The following VIRMA variants were observed in gnomAD, a reference collection of about 807,000 sequenced individuals.
VIRMA encodes protein virilizer homolog.
Under a neutral mutation model 182.4 loss-of-function variants are expected in VIRMA, and 65 were observed. The ratio of observed to expected loss-of-function variants is 0.36; its 90% CI spans 0.29 to 0.44. The LOEUF is 0.44. Among genes scored for constraint, VIRMA ranks in the 20% least tolerant of loss-of-function variants. The probability of loss-of-function intolerance (pLI) is 1.00; values close to 1 mark genes in which losing one functional copy is unlikely to be tolerated. For synonymous variants in VIRMA, 709 were observed against 743.1 expected, an observed-to-expected ratio of 0.95 and a Z score of 0.75; for missense variants, 1,752 against 2,158.1, an observed-to-expected ratio of 0.81 and a Z score of 3.73.
intron 16 of VIRMA, among the ~76,000 whole-genome samples, chr8:94,501,676 G>A (rs1813991788): frequency 6.6e-6 from 1 of 152,104 alleles, no homozygotes; most frequent in Non-Finnish European, 1.5e-5. Flanking sequence ...TATTAGTATG[G>A]GCCAGGTGTG....
intron 2 of VIRMA, among the ~76,000 whole-genome samples, chr8:94,539,607 C>T (rs1017975084): frequency 6.6e-6 from 1 of 152,152 alleles, no homozygotes; most frequent in Non-Finnish European, 1.5e-5. Context: ...CCTGTATGCA[C>T]TTCTGGTAGA....
intron 16 of VIRMA, among the ~76,000 whole-genome samples, chr8:94,501,290 A>G (rs1021997092): frequency 6.6e-6 from 1 of 150,774 alleles, no homozygotes; most frequent in East Asian, 1.9e-4. Context: ...ACCAATAAGG[A>G]TATGAGGGAA....
chr8:94,488,757 A>G lies in VIRMA; in HGVS notation c.5388T>C (p.Phe1796=). The change falls in exon 24 of 24, where the codon TTT becomes TTC. Residue 1796 remains phenylalanine, a synonymous_variant. Transcript: ENST00000297591. ...NSGSGGSRGK[F]VSGGSGRGRH... is the part of the protein sequence containing the mutation. ...GACCTCTACCACTGCCTCCACTAAC[A>G]AACTTTCCTCTTGAGCCTCCACTGC... 6.2e-7 allele frequency: 1 copy of G among 1,614,198 alleles called. No homozygotes were observed. Among genetic ancestry groups the G allele is most frequent in the Non-Finnish European group, 8.5e-7 (1 of 1,180,040 alleles).
chr8:94,519,311 A>G lies in VIRMA; in HGVS notation c.2187T>C (p.Asn729=), dbSNP rs1226882665. Reference sequence around the variant, plus strand: ...AGTGACACAGAGCTCGGATCAATAAATTTGTTGCTTCATATTCCGACATAA... The same window carrying G: ...AGTGACACAGAGCTCGGATCAATAAGTTTGTTGCTTCATATTCCGACATAA... ...LFFMSEYEAT[N]LLIRALCHFY... is the part of the protein sequence containing the mutation. Residue 729 remains asparagine, a synonymous_variant, in exon 9 of 24, where the codon AAT becomes AAC. Transcript: ENST00000297591. The G allele has an allele frequency of 1.9e-6, 3 of 1,612,852 alleles. No individual in the cohort carries two copies. The South Asian group carries it at 3.3e-5, about 18-fold the overall frequency.
intron 1 of VIRMA, chr8:94,546,687 A>G (rs1010576398): frequency 9.4e-6 from 3 of 320,064 alleles, no homozygotes; most frequent in Non-Finnish European, 1.8e-5. Flanking sequence ...TGTACCCAAT[A>G]TGTAGTCTTT....
At chr8:94,499,279 A>G in intron 17 of VIRMA, 95 bp downstream of exon 17, 1 of 857,170 alleles carries the variant, frequency 1.2e-6, no homozygotes, top group Non-Finnish European at 1.7e-6. Context: ...GAGATTACAG[A>G]TGTGAGCCAT....
chr8:94,542,106 T>C (rs1397962415), intron 2 of VIRMA, among the ~76,000 whole-genome samples: 1 of 152,218 alleles, frequency 6.6e-6, no homozygotes, highest in African/African-American at 2.4e-5. Flanking sequence ...ACTTGCTTCC[T>C]GGTATTCACA....
intron 1 of VIRMA, among the ~76,000 whole-genome samples, chr8:94,550,562 G>T (rs1815947597): frequency 6.6e-6 from 1 of 152,222 alleles, no homozygotes; most frequent in Admixed American, 6.5e-5. Context: ...AAAGTGCTGG[G>T]ATTACAGGCA....
intron 20 of VIRMA, 90 bp downstream of exon 20, chr8:94,494,770 T>G: frequency 1.3e-6 from 1 of 797,066 alleles, no homozygotes. Context: ...TTAACAGCCA[T>G]AAAATATGGA....
At chr8:94,510,710 CA>C in intron 13 of VIRMA, 58 bp from the exon 14 acceptor site, 2 of 1,251,642 alleles carry the variant, frequency 1.6e-6, no homozygotes, top group Non-Finnish European at 1.1e-6. Flanking sequence ...TTTATAGTCA[CA>C]AAAACTGTTC....
chr8:94,541,032 A>AAC lies in VIRMA; in HGVS notation c.180-2688_180-2687dup, dbSNP rs558950800. On this transcript the variant is annotated intron_variant, in intron 2 of 23. Transcript: ENST00000297591. Reference sequence around the variant, plus strand: ...ATATAAGCACACATATATATGTATGAACACACACACACATACAAACACACA... The same window carrying AAC: ...ATATAAGCACACATATATATGTATGAACACACACACACACATACAAACACACA... Among the ~76,000 whole-genome samples, 226 of 151,968 alleles carry AAC rather than the reference A, an allele frequency of 1.5e-3. 1 individual carries two copies. Among genetic ancestry groups the AAC allele is most frequent in the Admixed American group, 0.013 (202 of 15,250 alleles).
rs760066789 is a variant in VIRMA, at chr8:94,529,168, T to C, written c.782A>G (p.Glu261Gly). ...DEDDVDVEEE[E>G]DEDEDDRRTV... is the part of the protein sequence containing the mutation. The stretch of plus-strand genomic sequence containing the variant: ...TCGTCGATCATCCTCATCCTCATCC[T>C]CTTCTTCCTCTACATCCACATCATC... Residue 261 changes from glutamate (E) to glycine (G), a missense_variant, in exon 7 of 24, where the codon GAG becomes GGG. Glu to Gly is a moderately conservative substitution (Grantham distance 98). Around this residue, in one of 11 missense-constraint regions of VIRMA, gnomAD observed 114 missense variants for 106.9 expected, o/e 1.07. Transcript: ENST00000297591. 1 of 1,413,636 alleles carries C rather than the reference T, an allele frequency of 7.1e-7. No individual in the cohort carries two copies. Among genetic ancestry groups the C allele is most frequent in the Non-Finnish European group, 1.0e-6 (1 of 998,026 alleles). 87.6% of individuals were successfully genotyped at this position (1,413,636 alleles called of 1,614,324 possible).
At chr8:94,539,155 T>C (rs1043836294) in intron 2 of VIRMA, among the ~76,000 whole-genome samples, 1 of 151,916 alleles carries the variant, frequency 6.6e-6, no homozygotes, top group Non-Finnish European at 1.5e-5. Flanking sequence ...GATCCTCCCA[T>C]GTCAGCCTCC....
intron 4 of VIRMA, among the ~76,000 whole-genome samples, chr8:94,536,079 T>A (rs1051630045): frequency 5.3e-5 from 8 of 152,116 alleles, no homozygotes; most frequent in Non-Finnish European, 1.2e-4. Context: ...CACCCCACCA[T>A]ATTGGGTAAA....
Position 94,512,159 on chromosome 8 carries a change from A to G in VIRMA, c.2752-70T>C, listed in dbSNP as rs927008221. 4.4e-5 allele frequency: 27 copies of G among 615,436 alleles called. No individual in the cohort carries two copies. The African/African-American group carries it at 5.0e-4, about 11-fold the overall frequency. The allele number at this position is 615,436 out of a possible 1,614,324, so 38.1% of individuals were successfully genotyped here. The stretch of plus-strand genomic sequence containing the variant: ...ATGAGATCAACAGAAAATTCCAGAC[A>G]AGGAATTACTTGAAAATATGAGCTT... On this transcript the variant is annotated intron_variant, in intron 11 of 23. Coordinates refer to ENST00000297591, the MANE Select transcript of VIRMA (RefSeq NM_015496.5).
chr8:94,517,435 T>C (rs1215091331), intron 10 of VIRMA, among the ~76,000 whole-genome samples: 1 of 152,222 alleles, frequency 6.6e-6, no homozygotes, highest in African/African-American at 2.4e-5. Flanking sequence ...ACTCCTGACC[T>C]CAGGTGATCC....
chr8:94,543,418 A>T (rs1487358756), intron 2 of VIRMA, among the ~76,000 whole-genome samples: 4 of 149,048 alleles, frequency 2.7e-5, no homozygotes, highest in African/African-American at 9.8e-5. Context: ...AAAAAAAAAA[A>T]AAAAAAGGAG....
chr8:94,513,690 A>G (rs28502182), intron 11 of VIRMA, among the ~76,000 whole-genome samples: 6,068 of 152,262 alleles, frequency 0.04, 130 homozygotes, highest in Non-Finnish European at 0.05. Flanking sequence ...TGATTAAATA[A>G]TTTTACTCAA....
chr8:94,489,980 T>C lies in VIRMA; in HGVS notation c.5243A>G (p.Asn1748Ser), dbSNP rs754348556. 2 of 1,614,134 alleles carry C rather than the reference T, an allele frequency of 1.2e-6. No individual in the cohort carries two copies. Among genetic ancestry groups the C allele is most frequent in the Non-Finnish European group, 1.7e-6 (2 of 1,180,032 alleles). The change falls in exon 23 of 24, where the codon AAC becomes AGC. Residue 1748 changes from asparagine (N) to serine (S), a missense_variant. Asn to Ser is a conservative substitution (Grantham distance 46). Transcript: ENST00000297591. ...TCGTAATGGTGGAAGAGGGCCTCTGTTAAAATTGCTCTGGCCTCCACGACT... is the reference window on the plus strand; with the variant it reads ...TCGTAATGGTGGAAGAGGGCCTCTGCTAAAATTGCTCTGGCCTCCACGACT... ...NESRGGQSNF[N>S]RGPLPPLRPL...
Sources: allele counts gnomAD v4.1 joint callset (sites outside exome capture counted in the v4.1 genomes callset), GRCh38; gene constraint gnomAD v4.1.1; regional missense constraint gnomAD v4.1.1; transcripts MANE v1.5; gene names NCBI Gene and HGNC (gene_info 2026-07-23, HGNC 2026-07-21).